The following CCDC178 variants were observed in gnomAD, a reference collection of about 807,000 sequenced individuals.
CCDC178 encodes the protein coiled-coil domain containing 178.
A neutral mutation model predicts 117.4 loss-of-function variants in CCDC178; 126 were observed. The observed-to-expected ratio is 1.07, with a 90% confidence interval of 0.93 to 1.24. The LOEUF (loss-of-function observed/expected upper bound fraction) is 1.24, where lower values mean the gene tolerates loss of function less well. CCDC178 is among the 50% of genes most tolerant of loss of function. The pLI is 0.00. For missense variants in CCDC178, 1,030 were observed against 986.9 expected (o/e 1.04, Z -0.59); for synonymous variants, 283 against 313.4 (o/e 0.90, Z 1.02).
chr18:33,328,734 T>C (rs2062623122), intron 10 of CCDC178, among the ~76,000 whole-genome samples: 1 of 152,190 alleles, frequency 6.6e-6, no homozygotes, highest in Non-Finnish European at 1.5e-5. Flanking sequence ...AATTGGAAAA[T>C]GTGACTTCTC....
chr18:33,222,812 T>C (rs1318306262), intron 18 of CCDC178, among the ~76,000 whole-genome samples: 2 of 152,002 alleles, frequency 1.3e-5, no homozygotes, highest in Non-Finnish European at 1.5e-5. Flanking sequence ...AGCATGGCCA[T>C]CACAGAAAGC....
intron 20 of CCDC178, among the ~76,000 whole-genome samples, chr18:33,127,013 TATACAC>T (rs1568004959): frequency 2.1e-5 from 3 of 144,898 alleles, no homozygotes; most frequent in African/African-American, 8.0e-5. Flanking sequence ...TATATATATA[TATACAC>T]ACACACACAC....
At chr18:32,958,397 G>A (rs1430530874) in intron 22 of CCDC178, among the ~76,000 whole-genome samples, 1 of 152,146 alleles carries the variant, frequency 6.6e-6, no homozygotes, top group Non-Finnish European at 1.5e-5. Flanking sequence ...TAAAACCAGT[G>A]TCTTTAAATA....
intron 20 of CCDC178, among the ~76,000 whole-genome samples, chr18:33,099,533 C>A (rs1333147777): frequency 6.6e-6 from 1 of 151,956 alleles, no homozygotes; most frequent in Non-Finnish European, 1.5e-5. Context: ...TCAAAAGCAT[C>A]CCCCACTTTT....
At chr18:33,091,324 C>CTTTTTTTTTATTTTTTTTTT in intron 21 of CCDC178, among the ~76,000 whole-genome samples, 1 of 43,882 alleles carries the variant, frequency 2.3e-5, no homozygotes, top group Non-Finnish European at 4.1e-5. Flanking sequence ...TTATTTCATT[C>CTTTTTTTTTATTTTTTTTTT]TTTTTTTTTT....
At chr18:33,121,423 A>G (rs1194229882) in intron 20 of CCDC178, among the ~76,000 whole-genome samples, 1 of 152,154 alleles carries the variant, frequency 6.6e-6, no homozygotes, top group Non-Finnish European at 1.5e-5. Flanking sequence ...AAGATTTGTA[A>G]TAAACAAAAG....
intron 20 of CCDC178, among the ~76,000 whole-genome samples, chr18:33,103,237 C>T (rs548786040): frequency 2.6e-5 from 4 of 151,714 alleles, no homozygotes; most frequent in African/African-American, 9.7e-5. Context: ...AAAGTGGAAA[C>T]CCCTGATAAA....
chr18:33,092,306 A>G (rs2057478123), intron 21 of CCDC178, among the ~76,000 whole-genome samples: 1 of 152,016 alleles, frequency 6.6e-6, no homozygotes, highest in African/African-American at 2.4e-5. Context: ...ATTCCCAATG[A>G]TTTTCAGTAA....
chr18:33,394,310 A>T (rs758423389), intron 4 of CCDC178, among the ~76,000 whole-genome samples: 8 of 151,986 alleles, frequency 5.3e-5, no homozygotes, highest in Non-Finnish European at 7.4e-5. Context: ...CTTAATCTTT[A>T]CAATAACACA....
intron 3 of CCDC178, among the ~76,000 whole-genome samples, chr18:33,401,906 T>C (rs2063714173): frequency 1.3e-5 from 2 of 152,274 alleles, no homozygotes; most frequent in Admixed American, 6.5e-5. Flanking sequence ...AAATTATTTA[T>C]ATTCTTTGGT....
intron 20 of CCDC178, among the ~76,000 whole-genome samples, chr18:33,130,519 G>T (rs1233429049): frequency 2.0e-5 from 3 of 152,026 alleles, no homozygotes; most frequent in Admixed American, 6.6e-5. Context: ...AATTCCCAAG[G>T]TTATTCAGCT....
rs551830283 is a variant in CCDC178, at chr18:33,114,274, G to A, written c.2239-21364C>T. Among the ~76,000 whole-genome samples the A allele has an allele frequency of 5.3e-5, 8 of 152,142 alleles. No homozygotes were observed. In the South Asian group the frequency reaches 1.7e-3, roughly 32 times the overall value. The stretch of plus-strand genomic sequence containing the variant: ...AAGAATATGGAGGAAGAGGCCAGAT[G>A]TCAGAGAATGTCTGCAGCACATTCT... On this transcript the variant is annotated intron_variant, in intron 20 of 22. Transcript: ENST00000383096.
At chr18:32,983,928 G>A (rs764094708) in intron 21 of CCDC178, among the ~76,000 whole-genome samples, 3 of 151,916 alleles carry the variant, frequency 2.0e-5, no homozygotes, top group Non-Finnish European at 4.4e-5. Context: ...TTTTGGCAAG[G>A]CAGGAATGAC....
In CCDC178 at chr18:33,338,518, AG is replaced by A. The variant is rs565493316; in HGVS notation, c.659-5125del. ...CAGCCCAAATGCCCATTAATCACTT[AG>A]TGAATAAAGAAAATGTGGTACATAT... On this transcript the variant is annotated intron_variant, in intron 9 of 22. Coordinates refer to ENST00000383096, the MANE Select transcript of CCDC178 (RefSeq NM_001105528.4). Among the ~76,000 whole-genome samples the A allele has an allele frequency of 2.9e-4, 44 of 152,324 alleles. 4 individuals carry two copies. The East Asian group carries it at 8.3e-3, about 29-fold the overall frequency.
At chr18:33,087,722 C>T (rs1462126953) in intron 21 of CCDC178, among the ~76,000 whole-genome samples, 1 of 152,076 alleles carries the variant, frequency 6.6e-6, no homozygotes, top group Non-Finnish European at 1.5e-5. Flanking sequence ...AAGTGAATTT[C>T]TATCTACATT....
At chr18:32,990,567 T>C (rs2055367320) in intron 21 of CCDC178, among the ~76,000 whole-genome samples, 1 of 152,146 alleles carries the variant, frequency 6.6e-6, no homozygotes, top group Non-Finnish European at 1.5e-5. Context: ...CTTCACAGTA[T>C]ATGTAAAACT....
chr18:33,317,441 C>T (rs1445281510), intron 11 of CCDC178, among the ~76,000 whole-genome samples: 2 of 152,162 alleles, frequency 1.3e-5, no homozygotes, highest in Non-Finnish European at 2.9e-5. Flanking sequence ...AACTGTAACA[C>T]TCACCGCAAG....
intron 21 of CCDC178, among the ~76,000 whole-genome samples, chr18:33,050,094 T>A (rs1215801210): frequency 6.6e-6 from 1 of 151,934 alleles, no homozygotes; most frequent in East Asian, 1.9e-4. Context: ...AATAAATAAA[T>A]AAATAAATAA....
chr18:32,948,985 T>C (rs1309922362), intron 22 of CCDC178, among the ~76,000 whole-genome samples: 2 of 152,062 alleles, frequency 1.3e-5, no homozygotes, highest in Non-Finnish European at 2.9e-5. Flanking sequence ...AAAGTCTTCG[T>C]TTTGCCCTAT....
Sources: gnomAD v4.1 joint callset for allele counts (sites outside exome capture counted in the v4.1 genomes callset) on GRCh38, gnomAD v4.1.1 for gene constraint, MANE v1.5 for transcripts, NCBI Gene and HGNC (gene_info 2026-07-23, HGNC 2026-07-21) for gene names.